The following CACNA1I variants were observed in gnomAD, a reference collection of about 807,000 sequenced individuals.
The protein encoded by CACNA1I is voltage-dependent T-type calcium channel subunit alpha-1I.
In CACNA1I, 74 loss-of-function variants were observed where a neutral mutation model predicts 201.6. The ratio of observed to expected loss-of-function variants is 0.37; its 90% confidence interval spans 0.30 to 0.45. The LOEUF is 0.45. Among genes scored for constraint, CACNA1I ranks in the 20% least tolerant of loss-of-function variants. CACNA1I has a pLI of 1.00. For synonymous variants in CACNA1I, 1,431 were observed against 1,345.2 expected, an observed-to-expected ratio of 1.06 and a Z score of -1.40; for missense variants, 2,346 against 3,138.1, an observed-to-expected ratio of 0.75 and a Z score of 6.03.
At chr22:39,669,662 G>A (rs1935307777) in intron 24 of CACNA1I, among the ~76,000 whole-genome samples, 1 of 151,744 alleles carries the variant, frequency 6.6e-6, no homozygotes, top group African/African-American at 2.4e-5. Flanking sequence ...GTGGATGAGT[G>A]GATGGATGGG....
At chr22:39,586,092 C>T (rs948606866) in intron 1 of CACNA1I, among the ~76,000 whole-genome samples, 2 of 151,940 alleles carry the variant, frequency 1.3e-5, no homozygotes, top group Admixed American at 6.6e-5. Flanking sequence ...GCAGGAGAAT[C>T]GCTTGAACCA....
Position 39,664,094 on chromosome 22 carries a change from C to T in CACNA1I, c.3601C>T (p.Arg1201Cys). 1.2e-6 allele frequency: 2 copies of T among 1,613,106 alleles called. No homozygotes were observed. The highest frequency in any genetic ancestry group is 1.7e-6 in the Non-Finnish European group (2 of 1,179,180). ...RPQIEAGSTE[R>C]IFLTVSNYIF... is the part of the protein sequence containing the mutation. ...TGGTATCTCCCGATGCTTTCAGGAA[C>T]GCATCTTTCTCACCGTGTCCAACTA... is the stretch of plus-strand genomic sequence containing the variant. Residue 1201 changes from arginine (R) to cysteine (C), a missense_variant, in exon 20 of 37, where the codon CGC becomes TGC. By Grantham distance (180) the Arg-to-Cys change is radical. Transcript: ENST00000402142.
rs58438981 is a variant in CACNA1I at position 39,647,942 on chromosome 22, G to A, written c.1567+16G>A. The A allele has an allele frequency of 1.7e-5, 27 of 1,607,964 alleles. No individual in the cohort carries two copies. In the African/African-American group the frequency reaches 2.7e-4, roughly 16 times the overall value. ...TCGGGAAGAGGCAAGCCAGGGCCAC[G>A]GGAGGTGGGCCCTGCCCCCAGCCCC... On this transcript the variant is annotated intron_variant, in intron 9 of 36. Transcript: ENST00000402142.
intron 3 of CACNA1I, among the ~76,000 whole-genome samples, chr22:39,616,912 G>A (rs1425586755): frequency 6.6e-6 from 1 of 152,204 alleles, no homozygotes; most frequent in Non-Finnish European, 1.5e-5. Context: ...AGAGCCAATA[G>A]TCCTAGACTG....
At chr22:39,679,980 C>T in intron 33 of CACNA1I, 112 bp downstream of exon 33, 1 of 1,079,640 alleles carries the variant, frequency 9.3e-7, no homozygotes. Context: ...CAGGCTGGGT[C>T]AACGTGGGCA....
intron 1 of CACNA1I, among the ~76,000 whole-genome samples, chr22:39,596,497 TGGGGGGCAGGGTGGAGAGAGATG>T (rs1932898455): frequency 1.1e-4 from 1 of 9,482 alleles, no homozygotes; most frequent in Admixed American, 1.1e-3. Flanking sequence ...TGGAGAGAGA[TGGGGGGCAGGGTGGAGAGAGATG>T]GGGGGGCAGG....
intron 27 of CACNA1I, 102 bp from the exon 28 acceptor site, chr22:39,672,847 A>G (rs1229842067): frequency 1.1e-5 from 14 of 1,326,384 alleles, no homozygotes; most frequent in Non-Finnish European, 1.4e-5. Context: ...ATGGGCCACA[A>G]TAGAAGGGTC....
chr22:39,579,787 C>T (rs1569045185), intron 1 of CACNA1I, among the ~76,000 whole-genome samples: 1 of 152,214 alleles, frequency 6.6e-6, no homozygotes, highest in East Asian at 1.9e-4. Flanking sequence ...GCTGGGATTA[C>T]AGGCGCCCAC....
intron 5 of CACNA1I, among the ~76,000 whole-genome samples, chr22:39,637,653 TACTC>T (rs990226084): frequency 2.0e-5 from 3 of 152,218 alleles, no homozygotes; most frequent in African/African-American, 7.2e-5. Flanking sequence ...AGTGGCAGTG[TACTC>T]ACTCAGCGGA....
Position 39,662,176 on chromosome 22 carries a change from A to C in CACNA1I, c.3113A>C (p.His1038Pro), listed in dbSNP as rs773539342. Reference protein sequence around the residue: ...RAAPLHTPHAHHIHHGPHLAH... With the variant: ...RAAPLHTPHAPHIHHGPHLAH... ...GCACCCCTGCACACCCCACACGCCC[A>C]CCACATTCATCACGGGCCCCATCTG... Residue 1038 changes from histidine to proline, a missense_variant, in exon 17 of 37, where the codon CAC (histidine) becomes CCC (proline). Coordinates refer to ENST00000402142, the MANE Select transcript of CACNA1I (RefSeq NM_021096.4). 4.6e-6 allele frequency: 7 copies of C among 1,531,564 alleles called. No individual in the cohort carries two copies. Among genetic ancestry groups the C allele is most frequent in the Non-Finnish European group, 5.3e-6 (6 of 1,142,144 alleles). 94.9% of individuals were successfully genotyped at this position (1,531,564 alleles called of 1,614,324 possible). A position where few individuals can be genotyped will look rare whatever the true frequency, so the allele number is the denominator to read the frequency against.
At chr22:39,641,253 T>C (rs1483612488) in intron 6 of CACNA1I, 71 bp downstream of exon 6, 1 of 1,350,822 alleles carries the variant, frequency 7.4e-7, no homozygotes, top group Non-Finnish European at 1.0e-6. Flanking sequence ...CAGGGCTCTG[T>C]GCTAGGCATT....
At chr22:39,580,668 G>T (rs1355678285) in intron 1 of CACNA1I, among the ~76,000 whole-genome samples, 1 of 152,120 alleles carries the variant, frequency 6.6e-6, no homozygotes, top group Non-Finnish European at 1.5e-5. Context: ...TGGATGGCAG[G>T]GTGTCAAATG....
Position 39,686,105 on chromosome 22 carries a change from G to A in CACNA1I, c.6372G>A (p.Ser2124=). ...GCGGGGGCGCGGGCAGCGAGCACTC[G>A]GAGACCCTCAGCAGCCTCTCGCTCA... ...AGGGGAGSEH[S]ETLSSLSLTS... The change falls in exon 37 of 37, where the codon TCG becomes TCA. Residue 2124 remains serine (S), a synonymous_variant. Transcript: ENST00000402142. 11 of 1,227,642 alleles carry A rather than the reference G, an allele frequency of 9.0e-6. No homozygotes were observed. Among genetic ancestry groups the A allele is most frequent in the Admixed American group, 4.3e-5 (1 of 23,430 alleles). The allele number at this position is 1,227,642 out of a possible 1,614,324, so 76.0% of individuals were successfully genotyped here. A position where few individuals can be genotyped will look rare whatever the true frequency, so the allele number is the denominator to read the frequency against.
At chr22:39,600,391 G>A in intron 2 of CACNA1I, 129 bp from the exon 3 acceptor site, 1 of 690,966 alleles carries the variant, frequency 1.4e-6, no homozygotes, top group Non-Finnish European at 2.5e-6. Context: ...CTGCCCAGGA[G>A]GAGTTTCCGG....
Position 39,659,699 on chromosome 22 carries a change from C to T in CACNA1I, c.2451C>T (p.Ile817=). 1 of 1,613,870 alleles carries T rather than the reference C, an allele frequency of 6.2e-7. No individual in the cohort carries two copies. Among genetic ancestry groups the T allele is most frequent in the East Asian group, 2.2e-5 (1 of 44,878 alleles). Residue 817 remains isoleucine, a splice_region_variant and synonymous_variant, in exon 14 of 37, where the codon ATC becomes ATT. Transcript: ENST00000402142. This position sits in a 1 kb window ranked among gnomAD's most constrained non-coding sequence, Gnocchi z 4.3. The stretch of plus-strand genomic sequence containing the variant: ...GGCTAACTGTGTCTCCCCAACAGAT[C>T]CTCACCCAGGAGGACTGGAACGTCG... The part of the protein sequence containing the change: ...LLWAIVTVFQ[I]LTQEDWNVVL...
chr22:39,652,045 T>G (rs1405661348), intron 10 of CACNA1I, among the ~76,000 whole-genome samples: 1 of 150,392 alleles, frequency 6.6e-6, no homozygotes, highest in Non-Finnish European at 1.5e-5. Flanking sequence ...GAGCCTTTTT[T>G]TTTTTTGAGA....
chr22:39,625,410 A>C (rs992837247), intron 4 of CACNA1I, among the ~76,000 whole-genome samples: 1 of 152,242 alleles, frequency 6.6e-6, no homozygotes, highest in African/African-American at 2.4e-5. Context: ...TGTGGGTCAG[A>C]GAATAAAAGT....
rs755059370 is a variant in CACNA1I, at chr22:39,649,488, A to G, written c.1568-13A>G. On this transcript the variant is annotated splice_polypyrimidine_tract_variant and intron_variant, in intron 9 of 36. Transcript: ENST00000402142. This position sits in a 1 kb window ranked among gnomAD's most constrained non-coding sequence, Gnocchi z 7.3. ...TGGGCAACGACTCTATGCCCCTCTC[A>G]TTTGCTTTTCAGAGCTGTGCCCGCA... 4 of 1,557,182 alleles carry G rather than the reference A, an allele frequency of 2.6e-6. No individual in the cohort carries two copies. Among genetic ancestry groups the G allele is most frequent in the Non-Finnish European group, 3.5e-6 (4 of 1,151,538 alleles).
At chr22:39,619,050 A>G (rs1933647200) in intron 3 of CACNA1I, among the ~76,000 whole-genome samples, 1 of 152,178 alleles carries the variant, frequency 6.6e-6, no homozygotes. Context: ...CGCTGGGCAC[A>G]CAGTGGGAGC....
Sources: allele counts gnomAD v4.1 joint callset (sites outside exome capture counted in the v4.1 genomes callset), GRCh38; gene constraint gnomAD v4.1.1; non-coding constraint Gnocchi (gnomAD v3.1); transcripts MANE v1.5; gene names NCBI Gene and HGNC (gene_info 2026-07-23, HGNC 2026-07-21).